The following DNER variants were observed in gnomAD, a reference collection of about 807,000 sequenced individuals.
DNER encodes delta and Notch-like epidermal growth factor-related receptor.
A neutral mutation model predicts 78.2 loss-of-function variants in DNER; 33 were observed. The observed-to-expected ratio is 0.42, with a 90% CI of 0.32 to 0.56. DNER has a LOEUF of 0.56. DNER is among the 20% of genes least tolerant of loss of function. The pLI is 0.11. For missense variants in DNER, 918 were observed against 975.3 expected, an observed-to-expected ratio of 0.94 and a Z score of 0.78; for synonymous variants, 417 against 384.8, an observed-to-expected ratio of 1.08 and a Z score of -0.98.
chr2:229,680,630 C>A (rs1245393267), intron 1 of DNER, among the ~76,000 whole-genome samples: 1 of 152,236 alleles, frequency 6.6e-6, no homozygotes, highest in East Asian at 1.9e-4. Context: ...CAAGCAAGCT[C>A]TTCATGCCCT....
At chr2:229,388,136 A>G in intron 11 of DNER, 129 bp downstream of exon 11, 1 of 1,357,098 alleles carries the variant, frequency 7.4e-7, no homozygotes. Context: ...TCCCTCTGGG[A>G]CTCACTGCCT....
At chr2:229,623,277 C>T (rs948149245) in intron 1 of DNER, among the ~76,000 whole-genome samples, 2 of 152,124 alleles carry the variant, frequency 1.3e-5, no homozygotes, top group Admixed American at 1.3e-4. Flanking sequence ...GCTCTATGGT[C>T]CATAAGTGGT....
intron 1 of DNER, among the ~76,000 whole-genome samples, chr2:229,650,565 C>T (rs1021814954): frequency 1.3e-5 from 2 of 152,188 alleles, no homozygotes; most frequent in Non-Finnish European, 2.9e-5. Context: ...GCATGATGGG[C>T]ATTTGGATGC....
chr2:229,497,996 G>GTCAGTA (rs57517611), intron 6 of DNER, among the ~76,000 whole-genome samples: 2 of 150,996 alleles, frequency 1.3e-5, no homozygotes. Context: ...AAAACTACAG[G>GTCAGTA]TCCCTGATGA....
intron 4 of DNER, among the ~76,000 whole-genome samples, 194 bp from the exon 5 acceptor site, chr2:229,547,286 G>C (rs1696646157): frequency 1.3e-5 from 2 of 152,182 alleles, no homozygotes; most frequent in African/African-American, 2.4e-5. Context: ...CAGGACTTTA[G>C]GGCAGGCTGG....
chr2:229,366,024 A>G (rs1039461272), intron 12 of DNER, among the ~76,000 whole-genome samples: 1 of 152,222 alleles, frequency 6.6e-6, no homozygotes, highest in African/African-American at 2.4e-5. Flanking sequence ...AGAAGTAAAT[A>G]TGGGGTTTTC....
intron 9 of DNER, among the ~76,000 whole-genome samples, chr2:229,410,660 G>T (rs1047460153): frequency 2.6e-5 from 4 of 152,164 alleles, no homozygotes; most frequent in Non-Finnish European, 4.4e-5. Context: ...CATACTTTTC[G>T]TATTAAGGGA....
chr2:229,603,948 TC>T (rs1220059165), intron 1 of DNER, among the ~76,000 whole-genome samples: 1 of 152,164 alleles, frequency 6.6e-6, no homozygotes, highest in Non-Finnish European at 1.5e-5. Context: ...CTGATTTTCC[TC>T]CCAGGTAAGA....
chr2:229,376,161 C>A (rs1439238608), intron 11 of DNER, among the ~76,000 whole-genome samples: 4 of 152,136 alleles, frequency 2.6e-5, no homozygotes, highest in African/African-American at 9.7e-5. Flanking sequence ...TCAGGCAGTT[C>A]TTTATAACAG....
chr2:229,488,114 C>CGAAAT (rs1695316368), intron 6 of DNER, among the ~76,000 whole-genome samples: 1 of 152,084 alleles, frequency 6.6e-6, no homozygotes, highest in South Asian at 2.1e-4. Flanking sequence ...CTGGTCTGGA[C>CGAAAT]GAAATGAGAG....
At chr2:229,573,398 T>C (rs775745149) in intron 4 of DNER, among the ~76,000 whole-genome samples, 10 of 152,216 alleles carry the variant, frequency 6.6e-5, no homozygotes, top group Non-Finnish European at 1.0e-4. Flanking sequence ...AATTTTCTTC[T>C]GCTGACATGT....
rs115168557 is a variant in DNER at position 229,585,521 on chromosome 2, A to G, written c.847+337T>C. ...ACTAAAAATGCAAAATGAGCCGAGCATGATGGTGGGTGCCTGTAGCCCCAG... is the reference window on the plus strand; with the variant it reads ...ACTAAAAATGCAAAATGAGCCGAGCGTGATGGTGGGTGCCTGTAGCCCCAG... On this transcript the variant is annotated intron_variant, in intron 4 of 12. Coordinates refer to ENST00000341772, the MANE Select transcript of DNER (RefSeq NM_139072.4). 6.9e-3 allele frequency among the ~76,000 whole-genome samples: 1,044 copies of G among 152,142 alleles called. 5 individuals are homozygous for G. Among genetic ancestry groups the G allele is most frequent in the Non-Finnish European group, 9.3e-3 (632 of 67,990 alleles).
intron 6 of DNER, among the ~76,000 whole-genome samples, chr2:229,485,546 T>C (rs183644854): frequency 2.6e-5 from 4 of 152,178 alleles, no homozygotes; most frequent in African/African-American, 9.7e-5. Context: ...CAGCATACCA[T>C]CTGAGTGATA....
At chr2:229,572,663 G>A (rs570476895) in intron 4 of DNER, among the ~76,000 whole-genome samples, 1 of 152,256 alleles carries the variant, frequency 6.6e-6, no homozygotes, top group African/African-American at 2.4e-5. Flanking sequence ...CTTGATAGTG[G>A]GAGAGAGAAT....
intron 4 of DNER, among the ~76,000 whole-genome samples, chr2:229,557,812 C>T (rs1696880657): frequency 6.6e-6 from 1 of 151,818 alleles, no homozygotes; most frequent in African/African-American, 2.4e-5. Flanking sequence ...TTTTGGAAGA[C>T]AGTGTGGCAA....
intron 6 of DNER, among the ~76,000 whole-genome samples, chr2:229,506,511 C>CT (rs199814647): frequency 6.1e-5 from 6 of 97,768 alleles, no homozygotes; most frequent in African/African-American, 1.6e-4. Context: ...ATGCTATGGC[C>CT]TTTTTTTTTC....
chr2:229,570,092 T>C (rs1266297162), intron 4 of DNER, among the ~76,000 whole-genome samples: 1 of 152,216 alleles, frequency 6.6e-6, no homozygotes, highest in African/African-American at 2.4e-5. Flanking sequence ...GCTGGTTTTT[T>C]GGTTGTTTCC....
intron 1 of DNER, among the ~76,000 whole-genome samples, chr2:229,676,161 C>T (rs944235858): frequency 3.3e-5 from 5 of 152,212 alleles, no homozygotes; most frequent in African/African-American, 1.2e-4. Flanking sequence ...TTTGAAAATA[C>T]TCTAAAGAAC....
chr2:229,540,367 A>C (rs1382457504), intron 5 of DNER, among the ~76,000 whole-genome samples: 4 of 152,146 alleles, frequency 2.6e-5, no homozygotes, highest in Non-Finnish European at 5.9e-5. Flanking sequence ...CTGCTCATAC[A>C]TCAGCTATGG....
Sources: allele counts gnomAD v4.1 joint callset (sites outside exome capture counted in the v4.1 genomes callset), GRCh38; gene constraint gnomAD v4.1.1; transcripts MANE v1.5; gene names NCBI Gene and HGNC (gene_info 2026-07-23, HGNC 2026-07-21).